Variants in LUZP2 observed in about 807,000 individuals in gnomAD.
The protein encoded by LUZP2 is leucine zipper protein 2.
A neutral mutation model predicts 51.6 loss-of-function variants in LUZP2; 52 were observed. That is an observed-to-expected ratio of 1.01 (90% CI 0.81 to 1.27). The LOEUF (loss-of-function observed/expected upper bound fraction) is 1.27, where lower values mean the gene tolerates loss of function less well. LUZP2 is among the 50% of genes most tolerant of loss of function. The pLI, the probability that LUZP2 is intolerant of heterozygous loss-of-function variation, is 0.00. For missense variants in LUZP2, 436 were observed against 395.4 expected (o/e 1.10, Z -0.87); for synonymous variants, 154 against 137.3 (o/e 1.12, Z -0.85).
chr11:25,006,129 T>G, intron 9 of LUZP2, among the ~76,000 whole-genome samples: 1 of 152,034 alleles, frequency 6.6e-6, no homozygotes, highest in East Asian at 1.9e-4. Context: ...GGGCAAAAAT[T>G]ATGTCTTTCT....
intron 1 of LUZP2, among the ~76,000 whole-genome samples, chr11:24,593,080 C>T (rs938248070): frequency 6.6e-6 from 1 of 152,096 alleles, no homozygotes; most frequent in Non-Finnish European, 1.5e-5. Flanking sequence ...TGTCTGTTCT[C>T]AATTTCTACA....
At chr11:24,564,461 C>A (rs780150580) in intron 1 of LUZP2, among the ~76,000 whole-genome samples, 1 of 152,028 alleles carries the variant, frequency 6.6e-6, no homozygotes, top group Non-Finnish European at 1.5e-5. Flanking sequence ...TAAGATAATG[C>A]AAAAATAATC....
intron 1 of LUZP2, among the ~76,000 whole-genome samples, chr11:24,715,507 G>A (rs1858009018): frequency 6.6e-6 from 1 of 152,100 alleles, no homozygotes; most frequent in African/African-American, 2.4e-5. Flanking sequence ...ATTGCTTGCT[G>A]ATTTATAATT....
chr11:24,657,118 A>G (rs907611009), intron 1 of LUZP2, among the ~76,000 whole-genome samples: 3 of 151,906 alleles, frequency 2.0e-5, no homozygotes, highest in South Asian at 4.3e-4. Flanking sequence ...ATATGTAGAG[A>G]AAAAAACAAG....
At chr11:25,028,078 G>C (rs912419154) in intron 9 of LUZP2, among the ~76,000 whole-genome samples, 2 of 151,834 alleles carry the variant, frequency 1.3e-5, no homozygotes, top group Non-Finnish European at 2.9e-5. Context: ...TTTAATTTGG[G>C]GGTACTAGTA....
chr11:24,541,317 C>T (rs1189140297), intron 1 of LUZP2, among the ~76,000 whole-genome samples: 1 of 150,694 alleles, frequency 6.6e-6, no homozygotes, highest in Non-Finnish European at 1.5e-5. Flanking sequence ...TTCTTCAGCC[C>T]AAAGGATTAG....
At chr11:25,071,817 G>C (rs966765833) in intron 10 of LUZP2, among the ~76,000 whole-genome samples, 20 of 140,442 alleles carry the variant, frequency 1.4e-4, no homozygotes, top group Non-Finnish European at 3.1e-4. Flanking sequence ...TTAAAGTATA[G>C]TAAAAAAGAA....
At chr11:24,982,950 C>G (rs542344212) in intron 8 of LUZP2, among the ~76,000 whole-genome samples, 176 bp from the exon 9 acceptor site, 18 of 151,770 alleles carry the variant, frequency 1.2e-4, no homozygotes, top group African/African-American at 4.3e-4. Flanking sequence ...CTCCTAGAAA[C>G]AGACTGAGTG....
At chr11:24,563,008 T>A (rs1852101118) in intron 1 of LUZP2, among the ~76,000 whole-genome samples, 1 of 152,216 alleles carries the variant, frequency 6.6e-6, no homozygotes, top group Non-Finnish European at 1.5e-5. Context: ...CAAAAATGGC[T>A]TGAACGGAAG....
chr11:24,909,685 C>T (rs1231818998), intron 6 of LUZP2, among the ~76,000 whole-genome samples: 1 of 152,062 alleles, frequency 6.6e-6, no homozygotes, highest in Non-Finnish European at 1.5e-5. Context: ...CCATGTAAAG[C>T]AGAATTATCT....
intron 5 of LUZP2, among the ~76,000 whole-genome samples, chr11:24,775,462 G>A (rs1848889023): frequency 6.6e-6 from 1 of 152,134 alleles, no homozygotes; most frequent in Non-Finnish European, 1.5e-5. Flanking sequence ...ATAATATAAA[G>A]AAACATAAAT....
Position 24,519,601 on chromosome 11 carries a change from C to T in LUZP2, c.62+22296C>T, listed in dbSNP as rs981886166. On this transcript the variant is annotated intron_variant, in intron 1 of 11. Coordinates refer to ENST00000336930, the MANE Select transcript of LUZP2 (RefSeq NM_001009909.4). The stretch of plus-strand genomic sequence containing the variant: ...GTGAAAAGTCCTTGGGAAAGGGTTT[C>T]GCCTTTCATCCAGGATACAGCTTCA... Among the ~76,000 whole-genome samples, 52 of 152,268 alleles carry T rather than the reference C, an allele frequency of 3.4e-4. 1 individual carries two copies. Among genetic ancestry groups the T allele is most frequent in the African/African-American group, 1.2e-3 (48 of 41,546 alleles).
chr11:24,719,085 C>A (rs1392470142), intron 1 of LUZP2, among the ~76,000 whole-genome samples: 1 of 152,174 alleles, frequency 6.6e-6, no homozygotes, highest in Non-Finnish European at 1.5e-5. Context: ...TGGCCTTGAC[C>A]TTGACATGGC....
intron 7 of LUZP2, among the ~76,000 whole-genome samples, chr11:24,922,635 A>G (rs1854093528): frequency 6.6e-6 from 1 of 152,124 alleles, no homozygotes; most frequent in Non-Finnish European, 1.5e-5. Flanking sequence ...GTGAGGGGTT[A>G]ACAATATTAT....
intron 1 of LUZP2, among the ~76,000 whole-genome samples, chr11:24,529,722 A>G (rs1188118583): frequency 6.6e-6 from 1 of 151,058 alleles, no homozygotes; most frequent in South Asian, 2.1e-4. Flanking sequence ...GAGCAAAAGA[A>G]TATGATTGTT....
rs778496212 is a variant in LUZP2, at chr11:24,649,974, GAGACAC to G, written c.63-79193_63-79188del. Among the ~76,000 whole-genome samples, 55 of 126,682 alleles carry G rather than the reference GAGACAC, an allele frequency of 4.3e-4. 1 individual carries two copies. The highest frequency in any genetic ancestry group is 7.5e-4 in the Non-Finnish European group (47 of 62,490). 83.1% of individuals were successfully genotyped at this position (126,682 alleles called of 152,430 possible). ...AGACACAGACACACACATACACACA[GAGACAC>G]ACACACACACACACACACACACACA... On this transcript the variant is annotated intron_variant, in intron 1 of 11. Transcript: ENST00000336930.
At chr11:25,036,452 T>C (rs1303721120) in intron 9 of LUZP2, among the ~76,000 whole-genome samples, 3 of 152,100 alleles carry the variant, frequency 2.0e-5, no homozygotes, top group African/African-American at 7.2e-5. Flanking sequence ...ATATGGATTG[T>C]TGCATTTGAA....
intron 4 of LUZP2, among the ~76,000 whole-genome samples, chr11:24,755,077 G>A (rs2134016382): frequency 6.6e-6 from 1 of 152,000 alleles, no homozygotes; most frequent in East Asian, 1.9e-4. Context: ...CCTGGGAGGT[G>A]GAGGTTGCAG....
chr11:24,931,582 A>T (rs755689193), intron 7 of LUZP2, among the ~76,000 whole-genome samples: 104 of 152,156 alleles, frequency 6.8e-4, no homozygotes, highest in Non-Finnish European at 1.2e-3. Flanking sequence ...ATGGTTGTTT[A>T]TATTTGTGCT....
Sources: gnomAD v4.1 joint callset for allele counts (sites outside exome capture counted in the v4.1 genomes callset) on GRCh38, gnomAD v4.1.1 for gene constraint, MANE v1.5 for transcripts, NCBI Gene and HGNC (gene_info 2026-07-23, HGNC 2026-07-21) for gene names.